CSNK2A2IP: variants seen among roughly 807,000 people sequenced by gnomAD.
The protein encoded by CSNK2A2IP is casein kinase 2 subunit alpha' interacting protein.
chr3:88,437,729 G>C, the CSNK2A2IP span, among the ~76,000 whole-genome samples: 1 of 152,144 alleles, frequency 6.6e-6, no homozygotes, highest in South Asian at 2.1e-4. Context: ...GCTCAGCCCA[G>C]TGTTAAAAAC....
At chr3:88,340,234 C>T in the CSNK2A2IP span, among the ~76,000 whole-genome samples, 3,868 of 151,750 alleles carry the variant, frequency 0.025, 102 homozygotes, top group East Asian at 0.074. Flanking sequence ...AATTGCCTGC[C>T]ATGAGGTAGT....
the CSNK2A2IP span, among the ~76,000 whole-genome samples, chr3:88,365,750 C>G: frequency 6.6e-6 from 1 of 152,118 alleles, no homozygotes; most frequent in Non-Finnish European, 1.5e-5. Flanking sequence ...TCACCTGAAG[C>G]TTCTTCTTGT....
At chr3:88,446,067 TTTC>T in the CSNK2A2IP span, among the ~76,000 whole-genome samples, 4 of 143,582 alleles carry the variant, frequency 2.8e-5, no homozygotes, top group South Asian at 8.9e-4. Context: ...TCTTTCTTTC[TTTC>T]TTTCTTTCTT....
the CSNK2A2IP span, among the ~76,000 whole-genome samples, chr3:88,415,084 T>G: frequency 6.6e-6 from 1 of 151,802 alleles, no homozygotes; most frequent in African/African-American, 2.4e-5. Flanking sequence ...AAAAGCCACA[T>G]AGCAAAACAG....
the CSNK2A2IP span, among the ~76,000 whole-genome samples, chr3:88,357,444 T>C: frequency 6.6e-6 from 1 of 152,196 alleles, no homozygotes; most frequent in African/African-American, 2.4e-5. Context: ...ATTTTGTGTC[T>C]GCTTTTGTGC....
At chr3:88,346,480 C>G in the CSNK2A2IP span, among the ~76,000 whole-genome samples, 176 of 151,896 alleles carry the variant, frequency 1.2e-3, no homozygotes, top group Non-Finnish European at 2.0e-3. Context: ...AGCTGGTGAC[C>G]TTCGGTGGAG....
At chr3:88,345,641 A>G in the CSNK2A2IP span, among the ~76,000 whole-genome samples, 1 of 151,932 alleles carries the variant, frequency 6.6e-6, no homozygotes. Context: ...TGGGGATGCC[A>G]CAAACTGCAC....
At chr3:88,420,611 T>G in the CSNK2A2IP span, among the ~76,000 whole-genome samples, 1 of 152,154 alleles carries the variant, frequency 6.6e-6, no homozygotes, top group Non-Finnish European at 1.5e-5. Flanking sequence ...CGGCAGTAGA[T>G]TCATTCATGA....
chr3:88,440,557 G>A, the CSNK2A2IP span, among the ~76,000 whole-genome samples: 1 of 152,058 alleles, frequency 6.6e-6, no homozygotes, highest in Admixed American at 6.5e-5. Flanking sequence ...TGTCTTAAAT[G>A]TTTTAAAACT....
chr3:88,424,587 G>T, the CSNK2A2IP span, among the ~76,000 whole-genome samples: 2 of 152,154 alleles, frequency 1.3e-5, no homozygotes, highest in Middle Eastern at 3.4e-3. Flanking sequence ...ACTGTGCAAG[G>T]CTCTGTCATC....
chr3:88,441,678 A>C, the CSNK2A2IP span, among the ~76,000 whole-genome samples: 1 of 152,152 alleles, frequency 6.6e-6, no homozygotes, highest in Admixed American at 6.6e-5. Context: ...GAATTGTGTT[A>C]GACTTAGGGT....
At chr3:88,428,780 C>T in the CSNK2A2IP span, among the ~76,000 whole-genome samples, 1 of 152,044 alleles carries the variant, frequency 6.6e-6, no homozygotes. Context: ...TGAGACTTAG[C>T]ATCTTCATTT....
the CSNK2A2IP span, among the ~76,000 whole-genome samples, chr3:88,441,984 G>A: frequency 2.6e-5 from 4 of 151,940 alleles, no homozygotes; most frequent in African/African-American, 7.3e-5. Flanking sequence ...AGTAATTTGG[G>A]AGGTTTTAAA....
the CSNK2A2IP span, among the ~76,000 whole-genome samples, chr3:88,433,244 T>C: frequency 2.7e-5 from 4 of 150,088 alleles, no homozygotes; most frequent in Admixed American, 2.7e-4. Flanking sequence ...TGCATTCTTT[T>C]AATTGCTATT....
the CSNK2A2IP span, among the ~76,000 whole-genome samples, chr3:88,395,889 T>A: frequency 1.4e-3 from 207 of 152,280 alleles, no homozygotes; most frequent in African/African-American, 4.6e-3. Flanking sequence ...TTTTATTTTA[T>A]AATCATTTAT....
chr3:88,466,645 G>T, the CSNK2A2IP span: 2 of 1,227,322 alleles, frequency 1.6e-6, no homozygotes, highest in Non-Finnish European at 2.0e-6. Context: ...TGTCCCTGAT[G>T]ATGTGGTAAA....
the CSNK2A2IP span, among the ~76,000 whole-genome samples, chr3:88,444,303 A>G: frequency 2.6e-5 from 4 of 152,184 alleles, no homozygotes; most frequent in Admixed American, 1.3e-4. Context: ...CTCTTAAAAG[A>G]TGACCTAACC....
At chr3:88,457,585 T>C in the CSNK2A2IP span, among the ~76,000 whole-genome samples, 2 of 151,858 alleles carry the variant, frequency 1.3e-5, no homozygotes, top group African/African-American at 2.4e-5. Flanking sequence ...TGATCCCAGC[T>C]ACTCAGGAGG....
the CSNK2A2IP span, among the ~76,000 whole-genome samples, chr3:88,460,957 C>T: frequency 6.8e-3 from 1,025 of 151,738 alleles, 9 homozygotes; most frequent in Non-Finnish European, 0.011. Context: ...CGTGGTGGTG[C>T]ATGCCTGTAA....
Sources: allele counts gnomAD v4.1 joint callset (sites outside exome capture counted in the v4.1 genomes callset), GRCh38; gene constraint gnomAD v4.1.1; transcripts MANE v1.5; gene names NCBI Gene and HGNC (gene_info 2026-07-23, HGNC 2026-07-21).